Variants in DIAPH2 observed in about 807,000 individuals in gnomAD.
The protein encoded by DIAPH2 is protein diaphanous homolog 2.
DIAPH2 carries 35 observed loss-of-function variants against 92.7 expected under a neutral mutation model. The observed-to-expected ratio is 0.38, with a 90% CI of 0.29 to 0.50. The LOEUF (loss-of-function observed/expected upper bound fraction) is 0.50. Ranked by LOEUF, DIAPH2 falls within the 20% of genes least tolerant of loss-of-function variation. DIAPH2 has a pLI of 0.94. For missense variants in DIAPH2, 701 were observed against 819.5 expected (o/e 0.86, Z 1.77); for synonymous variants, 301 against 280.4 (o/e 1.07, Z -0.73).
Position 96,838,082 on chromosome X carries a change from C to T in DIAPH2, c.448-43497C>T, listed in dbSNP as rs143747768. ...CTCAGGTTGTGTTTGTCTTGAATAT[C>T]CTTGATGGTCATAAATCTTTATCTT... On this transcript the variant is annotated intron_variant, in intron 4 of 26. Transcript: ENST00000324765. Among the ~76,000 whole-genome samples the T allele has an allele frequency of 7.2e-3, 810 of 111,756 alleles. 7 individuals are homozygous for T. Among genetic ancestry groups the T allele is most frequent in the African/African-American group, 0.025 (783 of 30,746 alleles).
chrX:97,263,299 G>A (rs1054790359), intron 23 of DIAPH2, among the ~76,000 whole-genome samples: 3 of 111,135 alleles, frequency 2.7e-5, no homozygotes, highest in Non-Finnish European at 5.7e-5. Context: ...GCAATAAAAC[G>A]CTGTGAAACA....
chrX:96,931,300 T>C (rs2065617666), intron 10 of DIAPH2, among the ~76,000 whole-genome samples: 1 of 111,918 alleles, frequency 8.9e-6, no homozygotes, highest in African/African-American at 3.2e-5. Flanking sequence ...TAGGAACTTT[T>C]CAGATCAAAA....
In DIAPH2 at chrX:97,185,447, ATGTGTG is replaced by A. The variant is rs753790780; in HGVS notation, c.2719+43657_2719+43662del. Among the ~76,000 whole-genome samples, 14 of 39,361 alleles carry A rather than the reference ATGTGTG, an allele frequency of 3.6e-4. 1 individual carries two copies. Among genetic ancestry groups the A allele is most frequent in the African/African-American group, 1.4e-3 (11 of 7,842 alleles). The allele number at this position is 39,361 out of a possible 115,157, so 34.2% of individuals were successfully genotyped here. ...TGTATATATATATGTGTATATATATATGTGTGTGTATATATATATATATACACATAT... is the reference window on the plus strand; with the variant it reads ...TGTATATATATATGTGTATATATATATGTATATATATATATATACACATAT... On this transcript the variant is annotated intron_variant, in intron 22 of 26. Coordinates refer to ENST00000324765, the MANE Select transcript of DIAPH2 (RefSeq NM_006729.5).
At chrX:97,438,216 A>G (rs2070209521) in intron 26 of DIAPH2, among the ~76,000 whole-genome samples, 1 of 109,070 alleles carries the variant, frequency 9.2e-6, no homozygotes, top group South Asian at 4.0e-4. Flanking sequence ...GTCACATCCT[A>G]TAGAAAAGCT....
chrX:96,884,892 TGA>T (rs2065248468), intron 5 of DIAPH2: 2 of 1,211,337 alleles, frequency 1.7e-6, no homozygotes, highest in Non-Finnish European at 1.1e-6. Context: ...GGGATAACGA[TGA>T]GAGTCACCGC....
chrX:97,254,192 G>A (rs1186515435), intron 23 of DIAPH2, among the ~76,000 whole-genome samples: 1 of 111,568 alleles, frequency 9.0e-6, no homozygotes, highest in Non-Finnish European at 1.9e-5. Context: ...ATGAGGCCTA[G>A]TCAAAAAGAG....
intron 26 of DIAPH2, among the ~76,000 whole-genome samples, chrX:97,591,208 C>A (rs757113419): frequency 8.9e-6 from 1 of 111,907 alleles, no homozygotes; most frequent in Non-Finnish European, 1.9e-5. Flanking sequence ...TAAGGCTTAA[C>A]TGGGAAGAAG....
intron 26 of DIAPH2, among the ~76,000 whole-genome samples, chrX:97,477,493 T>C (rs892406630): frequency 2.7e-5 from 3 of 111,064 alleles, no homozygotes; most frequent in Non-Finnish European, 5.7e-5. Context: ...GAGTCCCAGC[T>C]ACTCTGGAGG....
intron 22 of DIAPH2, among the ~76,000 whole-genome samples, chrX:97,236,960 A>G (rs1469853925): frequency 8.9e-6 from 1 of 111,856 alleles, no homozygotes; most frequent in Non-Finnish European, 1.9e-5. Context: ...GTTTGTCAAA[A>G]CATTGTTTGA....
intron 4 of DIAPH2, among the ~76,000 whole-genome samples, chrX:96,856,996 T>G (rs1022418273): frequency 3.7e-5 from 4 of 108,789 alleles, no homozygotes; most frequent in African/African-American, 1.4e-4. Flanking sequence ...CCGAGATCGA[T>G]CCACTACACT....
chrX:97,517,067 C>T (rs756448693), intron 26 of DIAPH2, among the ~76,000 whole-genome samples: 3 of 111,897 alleles, frequency 2.7e-5, no homozygotes, highest in Non-Finnish European at 1.9e-5. Flanking sequence ...TAACCTGTCA[C>T]CTCACATAGT....
At chrX:97,167,472 T>G (rs974295097) in intron 22 of DIAPH2, among the ~76,000 whole-genome samples, 1 of 111,589 alleles carries the variant, frequency 9.0e-6, no homozygotes, top group African/African-American at 3.3e-5. Context: ...GTACACTCTT[T>G]CAAGAATGAG....
chrX:96,871,358 T>G (rs1353758780), intron 4 of DIAPH2, among the ~76,000 whole-genome samples: 2 of 106,791 alleles, frequency 1.9e-5, no homozygotes, highest in Non-Finnish European at 3.8e-5. Flanking sequence ...TAGTCCCAGT[T>G]ACTCGGGAGG....
At chrX:97,330,019 C>T (rs185965897) in intron 23 of DIAPH2, among the ~76,000 whole-genome samples, 341 of 106,565 alleles carry the variant, frequency 3.2e-3, no homozygotes, top group African/African-American at 0.011. Context: ...ACTGACCCCT[C>T]TCTCCTGAAC....
chrX:96,780,898 C>T (rs1389911952), intron 4 of DIAPH2, among the ~76,000 whole-genome samples: 2 of 109,540 alleles, frequency 1.8e-5, no homozygotes, highest in Non-Finnish European at 1.9e-5. Context: ...CCTCCGCCTC[C>T]TGGGATCAAG....
At chrX:97,397,053 C>A (rs896868006) in intron 25 of DIAPH2, among the ~76,000 whole-genome samples, 2 of 111,486 alleles carry the variant, frequency 1.8e-5, no homozygotes, top group Non-Finnish European at 3.8e-5. Flanking sequence ...ACATGAACAA[C>A]CTATAAAGTA....
intron 23 of DIAPH2, among the ~76,000 whole-genome samples, chrX:97,284,825 G>A (rs1341456240): frequency 2.7e-5 from 3 of 110,824 alleles, no homozygotes; most frequent in Admixed American, 2.0e-4. Context: ...TCTTTTCTAA[G>A]CTATGAATAC....
chrX:97,030,768 T>C (rs2066368261), intron 17 of DIAPH2, among the ~76,000 whole-genome samples: 2 of 111,946 alleles, frequency 1.8e-5, no homozygotes, highest in Admixed American at 9.5e-5. Flanking sequence ...CATTTTTAAG[T>C]GGAAAATTAC....
intron 19 of DIAPH2, among the ~76,000 whole-genome samples, chrX:97,091,460 C>G (rs532386440): frequency 9.1e-6 from 1 of 109,549 alleles, no homozygotes; most frequent in Non-Finnish European, 1.9e-5. Flanking sequence ...GCTATTTTAG[C>G]GATGGGGGTC....
Sources: allele counts gnomAD v4.1 joint callset (sites outside exome capture counted in the v4.1 genomes callset), GRCh38; gene constraint gnomAD v4.1.1; transcripts MANE v1.5; gene names NCBI Gene and HGNC (gene_info 2026-07-23, HGNC 2026-07-21).